Variants in PXDNL observed in about 807,000 individuals in gnomAD.
The protein encoded by PXDNL is peroxidasin like, also known as probable oxidoreductase PXDNL.
A neutral mutation model predicts 150.8 loss-of-function variants in PXDNL; 145 were observed. The observed-to-expected ratio is 0.96, with a 90% CI of 0.84 to 1.10. PXDNL has a LOEUF of 1.10. PXDNL is among the 50% of genes least tolerant of loss of function. The pLI is 0.00. For synonymous variants in PXDNL, 757 were observed against 725.7 expected, an observed-to-expected ratio of 1.04 and a Z score of -0.69; for missense variants, 2,087 against 1,873.9, an observed-to-expected ratio of 1.11 and a Z score of -2.10.
intron 4 of PXDNL, among the ~76,000 whole-genome samples, chr8:51,542,987 TAAC>T (rs1812255891): frequency 6.6e-6 from 1 of 151,788 alleles, no homozygotes. Flanking sequence ...GAAATAATAA[TAAC>T]AAAATAATTA....
chr8:51,543,750 CCAGT>C (rs1156462524), intron 4 of PXDNL, among the ~76,000 whole-genome samples: 1 of 148,526 alleles, frequency 6.7e-6, no homozygotes, highest in African/African-American at 2.5e-5. Context: ...GAAATAATGA[CCAGT>C]CAAAGTGGAT....
At chr8:51,712,593 A>G (rs1042971044) in intron 1 of PXDNL, among the ~76,000 whole-genome samples, 1 of 152,244 alleles carries the variant, frequency 6.6e-6, no homozygotes, top group Non-Finnish European at 1.5e-5. Flanking sequence ...GTATTTGGAC[A>G]CTGATCACAT....
chr8:51,739,146 T>C (rs777819958), intron 1 of PXDNL, among the ~76,000 whole-genome samples: 2 of 151,952 alleles, frequency 1.3e-5, no homozygotes, highest in Non-Finnish European at 2.9e-5. Context: ...GAAAAAAATA[T>C]ATAATCTTAT....
Position 51,746,608 on chromosome 8 carries a change from C to T in PXDNL, c.164+62573G>A, listed in dbSNP as rs1335434389. Among the ~76,000 whole-genome samples, 9 of 152,172 alleles carry T rather than the reference C, an allele frequency of 5.9e-5. No individual in the cohort carries two copies. The South Asian group carries it at 1.7e-3, about 28-fold the overall frequency. On this transcript the variant is annotated intron_variant, in intron 1 of 22. Coordinates refer to ENST00000356297, the MANE Select transcript of PXDNL (RefSeq NM_144651.5). ...CCTCAAAAGCTTGTTACACATGTAG[C>T]GTTTATCTCGGGGCTGTGGTATTAA...
At chr8:51,686,595 G>A (rs1815882267) in intron 1 of PXDNL, among the ~76,000 whole-genome samples, 2 of 152,158 alleles carry the variant, frequency 1.3e-5, no homozygotes, top group Admixed American at 6.5e-5. Context: ...TAATCGTGTT[G>A]CTTTATATGC....
chr8:51,700,474 T>G (rs1816232346), intron 1 of PXDNL, among the ~76,000 whole-genome samples: 2 of 151,602 alleles, frequency 1.3e-5, no homozygotes, highest in Middle Eastern at 3.5e-3. Context: ...TACACACACA[T>G]GCATACACAC....
chr8:51,561,589 G>A (rs1210310052), intron 3 of PXDNL, among the ~76,000 whole-genome samples: 1 of 151,784 alleles, frequency 6.6e-6, no homozygotes, highest in Non-Finnish European at 1.5e-5. Flanking sequence ...GATTAACATT[G>A]AGGACATTAA....
chr8:51,511,195 G>T (rs1225772000), intron 4 of PXDNL, among the ~76,000 whole-genome samples: 1 of 152,184 alleles, frequency 6.6e-6, no homozygotes, highest in Non-Finnish European at 1.5e-5. Flanking sequence ...CTGTGATGCT[G>T]TGGCTGATGA....
chr8:51,488,633 A>G (rs1344824702), intron 5 of PXDNL, among the ~76,000 whole-genome samples: 1 of 152,352 alleles, frequency 6.6e-6, no homozygotes. Context: ...ATAAATCTGC[A>G]TTTTACATCC....
At chr8:51,671,641 C>T (rs1815500899) in intron 1 of PXDNL, among the ~76,000 whole-genome samples, 1 of 152,158 alleles carries the variant, frequency 6.6e-6, no homozygotes, top group African/African-American at 2.4e-5. Flanking sequence ...GCCCCAGGCC[C>T]CTGTCTCTCC....
At chr8:51,741,538 T>G (rs565205797) in intron 1 of PXDNL, among the ~76,000 whole-genome samples, 1 of 152,186 alleles carries the variant, frequency 6.6e-6, no homozygotes, top group East Asian at 1.9e-4. Flanking sequence ...ACTCGCAAAA[T>G]TTGAAAAAGA....
chr8:51,704,334 T>A (rs1054832859), intron 1 of PXDNL, among the ~76,000 whole-genome samples: 1 of 152,252 alleles, frequency 6.6e-6, no homozygotes, highest in South Asian at 2.1e-4. Context: ...TATTTTTTAC[T>A]GCTGTATAGT....
intron 1 of PXDNL, among the ~76,000 whole-genome samples, chr8:51,724,081 G>A (rs545737383): frequency 6.6e-5 from 10 of 152,106 alleles, no homozygotes; most frequent in East Asian, 1.9e-4. Flanking sequence ...GACCAGGGGT[G>A]GGGGTGGGGT....
intron 1 of PXDNL, among the ~76,000 whole-genome samples, chr8:51,659,345 C>A (rs1324625281): frequency 1.3e-5 from 2 of 152,196 alleles, no homozygotes; most frequent in Non-Finnish European, 2.9e-5. Flanking sequence ...TCTGTCTCCT[C>A]TACTCTCCCC....
intron 5 of PXDNL, among the ~76,000 whole-genome samples, chr8:51,486,434 TTAATC>T (rs887020636): frequency 1.4e-4 from 22 of 152,026 alleles, no homozygotes; most frequent in African/African-American, 5.3e-4. Context: ...TTCAAGCAGA[TTAATC>T]TAAGTCTCAG....
chr8:51,650,728 G>A (rs1001412799), intron 2 of PXDNL, among the ~76,000 whole-genome samples: 1 of 152,180 alleles, frequency 6.6e-6, no homozygotes, highest in African/African-American at 2.4e-5. Flanking sequence ...AGCCACTAGT[G>A]ATAAGGTTGA....
intron 1 of PXDNL, among the ~76,000 whole-genome samples, chr8:51,678,445 T>C (rs1815674430): frequency 6.6e-6 from 1 of 152,092 alleles, no homozygotes; most frequent in Non-Finnish European, 1.5e-5. Flanking sequence ...CTATTCACAA[T>C]AGCAAAGACT....
intron 1 of PXDNL, among the ~76,000 whole-genome samples, chr8:51,778,598 T>C (rs1000995969): frequency 6.6e-6 from 1 of 152,162 alleles, no homozygotes; most frequent in Non-Finnish European, 1.5e-5. Flanking sequence ...TTATTATTAT[T>C]ACAGAAGAAG....
At chr8:51,690,470 T>C (rs1815970056) in intron 1 of PXDNL, among the ~76,000 whole-genome samples, 1 of 152,158 alleles carries the variant, frequency 6.6e-6, no homozygotes, top group Admixed American at 6.5e-5. Context: ...ATTTCCAATT[T>C]CATCCATGTC....
Sources: allele counts gnomAD v4.1 joint callset (sites outside exome capture counted in the v4.1 genomes callset), GRCh38; gene constraint gnomAD v4.1.1; transcripts MANE v1.5; gene names NCBI Gene and HGNC (gene_info 2026-07-23, HGNC 2026-07-21).